The following GLIS1 variants were observed in gnomAD, a reference collection of about 807,000 sequenced individuals.
The protein encoded by GLIS1 is zinc finger protein GLIS1.
GLIS1 carries 24 observed loss-of-function variants against 63.8 expected under a neutral mutation model. The observed-to-expected ratio is 0.38, with a 90% CI of 0.27 to 0.53. GLIS1 has a LOEUF of 0.53. GLIS1 is among the 20% of genes least tolerant of loss of function. The pLI is 0.85. For missense variants in GLIS1, 1,036 were observed against 1,074.1 expected (o/e 0.96, Z 0.50); for synonymous variants, 450 against 482.5 (o/e 0.93, Z 0.88).
At chr1:53,536,228 G>A (rs1462637251) in intron 4 of GLIS1, among the ~76,000 whole-genome samples, 1 of 152,074 alleles carries the variant, frequency 6.6e-6, no homozygotes, top group African/African-American at 2.4e-5. Flanking sequence ...CTGGCTAGAA[G>A]GAAGGGCTCC....
rs17108671 is a variant in GLIS1 at position 53,516,234 on chromosome 1, G to C, written c.1727-1453C>G. On this transcript the variant is annotated intron_variant, in intron 7 of 10. Transcript: ENST00000628545. The stretch of plus-strand genomic sequence containing the variant: ...ACCAGTGCTCTTATTACACCAGAAG[G>C]ACCAATCTGAGAACACACCAGTCTC... Among the ~76,000 whole-genome samples, 930 of 152,324 alleles carry C rather than the reference G, an allele frequency of 6.1e-3. 8 individuals are homozygous for C. The highest frequency in any genetic ancestry group is 0.021 in the African/African-American group (891 of 41,586).
chr1:53,592,489 T>C (rs1645201868), intron 4 of GLIS1, among the ~76,000 whole-genome samples: 1 of 152,138 alleles, frequency 6.6e-6, no homozygotes, highest in Non-Finnish European at 1.5e-5. Flanking sequence ...GCTCAGCAGC[T>C]GTCAGCTCCA....
At chr1:53,597,916 A>AC in intron 3 of GLIS1, among the ~76,000 whole-genome samples, 1 of 151,908 alleles carries the variant, frequency 6.6e-6, no homozygotes, top group Non-Finnish European at 1.5e-5. Flanking sequence ...AAAAGAAAAA[A>AC]AAATCCTCTT....
intron 2 of GLIS1, among the ~76,000 whole-genome samples, chr1:53,695,146 G>C (rs1431215442): frequency 6.6e-6 from 1 of 151,954 alleles, no homozygotes; most frequent in Non-Finnish European, 1.5e-5. Flanking sequence ...GGTGGGGGTG[G>C]GTTGAGGAAG....
Position 53,733,903 on chromosome 1 carries a change from C to G in GLIS1, c.259+3903G>C, listed in dbSNP as rs996536710. 3.0e-6 allele frequency: 3 copies of G among 984,340 alleles called. No individual in the cohort carries two copies. In the African/African-American group the frequency reaches 5.2e-5, roughly 17 times the overall value. The allele number at this position is 984,340 out of a possible 1,614,324, so 61.0% of individuals were successfully genotyped here. On this transcript the variant is annotated intron_variant, in intron 2 of 10. Transcript: ENST00000628545. ...AGAAATGCTTTAAAAGTCACTCATA[C>G]CTTTCTATGAGGGATGCGCTAGCCT... is the stretch of plus-strand genomic sequence containing the variant.
chr1:53,623,681 A>C (rs1365711540), intron 2 of GLIS1, among the ~76,000 whole-genome samples: 3 of 152,242 alleles, frequency 2.0e-5, no homozygotes, highest in Non-Finnish European at 4.4e-5. Context: ...ACACGTTGCA[A>C]GATATAATAA....
intron 4 of GLIS1, among the ~76,000 whole-genome samples, chr1:53,584,423 C>T (rs1400135864): frequency 1.3e-5 from 2 of 152,230 alleles, no homozygotes; most frequent in Admixed American, 6.5e-5. Flanking sequence ...TCATGGTCTA[C>T]ACCTGGAAAG....
chr1:53,574,168 TG>T lies in GLIS1; in HGVS notation c.1320+19939del, dbSNP rs1262391336. ...TGGTTCCAAGTTCCTTCCAGGGCAC[TG>T]TCCGTGAGGCCCTCCCTGGTCCAGC... On this transcript the variant is annotated intron_variant, in intron 4 of 10. Coordinates refer to ENST00000628545, the MANE Select transcript of GLIS1 (RefSeq NM_001367484.1). This position sits in a 1 kb window ranked among gnomAD's most constrained non-coding sequence, Gnocchi z 4.2. 6.6e-6 allele frequency among the ~76,000 whole-genome samples: 1 copy of T among 152,190 alleles called. No individual in the cohort carries two copies. The highest frequency in any genetic ancestry group is 1.5e-5 in the Non-Finnish European group (1 of 68,032).
chr1:53,620,322 A>G (rs1469046830), intron 2 of GLIS1, among the ~76,000 whole-genome samples: 3 of 152,106 alleles, frequency 2.0e-5, no homozygotes, highest in Middle Eastern at 3.2e-3. Flanking sequence ...CTGACATCGC[A>G]GTGTACCACC....
intron 10 of GLIS1, among the ~76,000 whole-genome samples, chr1:53,507,060 T>G (rs1027751329): frequency 6.6e-6 from 1 of 152,088 alleles, no homozygotes; most frequent in African/African-American, 2.4e-5. Context: ...AGGGCTGGGC[T>G]GTGGGGCAGA....
chr1:53,718,290 C>T (rs1646720199), intron 2 of GLIS1, among the ~76,000 whole-genome samples: 1 of 152,120 alleles, frequency 6.6e-6, no homozygotes, highest in East Asian at 1.9e-4. Flanking sequence ...GGGAGGTCAG[C>T]AGGGTGTGAA....
chr1:53,643,573 A>G (rs1645810610), intron 2 of GLIS1, among the ~76,000 whole-genome samples: 1 of 152,292 alleles, frequency 6.6e-6, no homozygotes, highest in South Asian at 2.1e-4. Context: ...AGTGCTAGTA[A>G]CCAAGGTCAC....
intron 2 of GLIS1, among the ~76,000 whole-genome samples, chr1:53,641,655 A>G (rs1370599189): frequency 2.6e-5 from 4 of 152,084 alleles, no homozygotes; most frequent in Non-Finnish European, 4.4e-5. Context: ...TGGATGATGG[A>G]GCCTTGAATA....
Position 53,594,605 on chromosome 1 carries a change from A to G in GLIS1, c.823T>C (p.Cys275Arg). 1 of 1,579,780 alleles carries G rather than the reference A, an allele frequency of 6.3e-7. No individual in the cohort carries two copies. The highest frequency in any genetic ancestry group is 2.3e-5 in the East Asian group (1 of 44,310). ...GGGGGGCTCCGGAGTCCATTTACAC[A>G]GGTGACCAGAGACGTCTGGGAGGAG... ...IRSSQTSLVT[C>R]VNGLRSPPLT... Residue 275 changes from cysteine (C) to arginine (R), a missense_variant, in exon 4 of 11, where the codon TGT becomes CGT. Cys to Arg is a radical substitution (Grantham distance 180). Transcript: ENST00000628545.
intron 2 of GLIS1, among the ~76,000 whole-genome samples, chr1:53,692,692 TG>T (rs1431109827): frequency 6.6e-6 from 1 of 151,954 alleles, no homozygotes; most frequent in African/African-American, 2.4e-5. Context: ...CTGACCCAGG[TG>T]GGGGTGAGTT....
At chr1:53,612,665 G>A (rs1006459699) in intron 2 of GLIS1, among the ~76,000 whole-genome samples, 1 of 152,146 alleles carries the variant, frequency 6.6e-6, no homozygotes, top group African/African-American at 2.4e-5. Context: ...AGAAAGATCT[G>A]TTGAGCTCTC....
At chr1:53,648,081 G>C (rs931004398) in intron 2 of GLIS1, among the ~76,000 whole-genome samples, 1 of 152,100 alleles carries the variant, frequency 6.6e-6, no homozygotes, top group Non-Finnish European at 1.5e-5. Flanking sequence ...GGCTGAGATG[G>C]GAGGATCGCT....
Position 53,737,786 on chromosome 1 carries a change from G to C in GLIS1, c.259+20C>G. On this transcript the variant is annotated intron_variant, in intron 2 of 10. Transcript: ENST00000628545. The stretch of plus-strand genomic sequence containing the variant: ...AATCTCCACAGGAGCCGCCAGGCAC[G>C]TTGGCAGGGCCGAACTCACCCTTCC... 1.6e-6 allele frequency: 2 copies of C among 1,230,932 alleles called. No individual in the cohort carries two copies. Among genetic ancestry groups the C allele is most frequent in the African/African-American group, 1.6e-5 (1 of 64,498 alleles). 76.3% of individuals were successfully genotyped at this position (1,230,932 alleles called of 1,614,324 possible).
At chr1:53,688,618 C>T (rs1446505540) in intron 2 of GLIS1, 1 of 152,350 alleles carries the variant, frequency 6.6e-6, no homozygotes, top group African/African-American at 2.4e-5. Flanking sequence ...GGGTGACTGT[C>T]TTGCTTTCCC....
Sources: gnomAD v4.1 joint callset for allele counts (sites outside exome capture counted in the v4.1 genomes callset) on GRCh38, gnomAD v4.1.1 for gene constraint, Gnocchi (gnomAD v3.1) non-coding constraint, MANE v1.5 for transcripts, NCBI Gene and HGNC (gene_info 2026-07-23, HGNC 2026-07-21) for gene names.